MYO18B: variants seen among roughly 807,000 people sequenced by gnomAD.
MYO18B encodes the protein unconventional myosin-XVIIIb.
MYO18B carries 204 observed loss-of-function variants against 273.0 expected under a neutral mutation model. That is an observed-to-expected ratio of 0.75 (90% CI 0.67 to 0.84). The LOEUF is 0.84. Among genes scored for constraint, MYO18B ranks in the 40% least tolerant of loss-of-function variants. MYO18B has a pLI of 0.00. For synonymous variants in MYO18B, 1,330 were observed against 1,305.7 expected (o/e 1.02, Z -0.40); for missense variants, 3,212 against 3,287.6 (o/e 0.98, Z 0.56).
chr22:25,944,431 A>G (rs1325875019), intron 34 of MYO18B, among the ~76,000 whole-genome samples: 1 of 152,102 alleles, frequency 6.6e-6, no homozygotes, highest in African/African-American at 2.4e-5. Context: ...GTGATTTCTA[A>G]GAGTGTTTTC....
intron 15 of MYO18B, among the ~76,000 whole-genome samples, chr22:25,830,284 G>A (rs966795314): frequency 4.6e-5 from 7 of 151,474 alleles, no homozygotes; most frequent in Non-Finnish European, 8.8e-5. Context: ...TTTTTTTTAC[G>A]TGGAAAACAG....
chr22:25,748,740 G>A (rs2085853628), intron 1 of MYO18B, among the ~76,000 whole-genome samples: 1 of 152,084 alleles, frequency 6.6e-6, no homozygotes, highest in East Asian at 1.9e-4. Context: ...TCCTGCCCTT[G>A]CTTCTCACTC....
chr22:25,750,435 G>A (rs2085899627), intron 1 of MYO18B, among the ~76,000 whole-genome samples: 1 of 152,284 alleles, frequency 6.6e-6, no homozygotes, highest in Non-Finnish European at 1.5e-5. Flanking sequence ...ATCTGAAGAT[G>A]GTGTCTTCAG....
the MYO18B span, among the ~76,000 whole-genome samples, chr22:26,056,187 C>T: frequency 6.6e-6 from 1 of 152,086 alleles, no homozygotes; most frequent in East Asian, 1.9e-4. Flanking sequence ...AATCCTCAGC[C>T]GTAGCTGGTT....
intron 1 of MYO18B, among the ~76,000 whole-genome samples, chr22:25,754,413 TA>T (rs2086042849): frequency 6.6e-6 from 1 of 152,128 alleles, no homozygotes; most frequent in African/African-American, 2.4e-5. Context: ...GAATGTATTC[TA>T]TGAGACAGGT....
Position 25,992,445 on chromosome 22 carries a change from T to C in MYO18B, c.6239T>C (p.Leu2080Pro). 1 of 1,613,996 alleles carries C rather than the reference T, an allele frequency of 6.2e-7. No homozygotes were observed. ...LETSIRRIADLQAALEEVASS... is the reference protein window; with the variant it reads ...LETSIRRIADPQAALEEVASS... ...ACATCCATTCGGCGGATTGCCGACC[T>C]GCAGGCTGCCTTGGAAGAAGTGGCA... The change falls in exon 40 of 44, where the codon CTG becomes CCG. Residue 2080 changes from leucine to proline, a missense_variant. Coordinates refer to ENST00000335473, the MANE Select transcript of MYO18B (RefSeq NM_032608.7).
rs180800478 is a variant in MYO18B, at chr22:25,846,089, C to T, written c.3369-11C>T. ...CTAAAGCTCCTCTCTCTTTTCCCTC[C>T]TCCCCACCAGAGAGGAGCTGCGGAG... On this transcript the variant is annotated splice_polypyrimidine_tract_variant and intron_variant, in intron 18 of 43. Transcript: ENST00000335473. 1.3e-6 allele frequency: 2 copies of T among 1,518,622 alleles called. No homozygotes were observed. Among genetic ancestry groups the T allele is most frequent in the African/African-American group, 1.4e-5 (1 of 71,188 alleles). 94.1% of individuals were successfully genotyped at this position (1,518,622 alleles called of 1,614,324 possible).
chr22:25,770,045 G>A lies in MYO18B; in HGVS notation c.1513-65G>A, dbSNP rs778517387. The stretch of plus-strand genomic sequence containing the variant: ...CCAGAGCACACTGTGAGAAACCCCC[G>A]TGTAAGGTAGAAGATGGGCAGCGGT... On this transcript the variant is annotated intron_variant, in intron 4 of 43. Coordinates refer to ENST00000335473, the MANE Select transcript of MYO18B (RefSeq NM_032608.7). 19 of 1,539,944 alleles carry A rather than the reference G, an allele frequency of 1.2e-5. No homozygotes were observed. The South Asian group carries it at 1.6e-4, about 13-fold the overall frequency.
intron 39 of MYO18B, among the ~76,000 whole-genome samples, chr22:25,991,464 G>A (rs1439184865): frequency 6.6e-6 from 1 of 152,190 alleles, no homozygotes; most frequent in Admixed American, 6.5e-5. Flanking sequence ...ATGACCAAAT[G>A]TCCCCTGGGG....
chr22:25,934,459 C>T (rs964972118), intron 34 of MYO18B, among the ~76,000 whole-genome samples: 1 of 152,008 alleles, frequency 6.6e-6, no homozygotes, highest in Admixed American at 6.6e-5. Flanking sequence ...CTCTGTGAAC[C>T]CCCAGAATTT....
At chr22:25,840,331 C>G (rs1181044233) in intron 17 of MYO18B, among the ~76,000 whole-genome samples, 1 of 152,284 alleles carries the variant, frequency 6.6e-6, no homozygotes, top group Admixed American at 6.5e-5. Context: ...TTCAGCAGCT[C>G]CTTCTGCCTG....
chr22:25,986,166 TTG>T (rs546218448), intron 39 of MYO18B, among the ~76,000 whole-genome samples: 28 of 152,314 alleles, frequency 1.8e-4, no homozygotes, highest in African/African-American at 6.5e-4. Flanking sequence ...CTTTTCTTGG[TTG>T]TGTGTCCCTA....
chr22:25,762,934 A>C, intron 2 of MYO18B: 1 of 544,702 alleles, frequency 1.8e-6, no homozygotes, highest in East Asian at 4.5e-5. Flanking sequence ...AAGGAAGGGA[A>C]CCAGCAGCCT....
chr22:25,940,495 G>A (rs900137999), intron 34 of MYO18B, among the ~76,000 whole-genome samples: 4 of 152,244 alleles, frequency 2.6e-5, no homozygotes, highest in East Asian at 1.9e-4. Flanking sequence ...AGACTAATAC[G>A]CATGGGAAAA....
At position 25,885,593 on chromosome 22, in the gene MYO18B, A is replaced by G. The variant is rs143865157; in HGVS notation, c.4315-5163A>G. Among the ~76,000 whole-genome samples the G allele has an allele frequency of 6.9e-3, 1,052 of 152,152 alleles. 6 individuals are homozygous for G. Among genetic ancestry groups the G allele is most frequent in the Non-Finnish European group, 0.011 (722 of 67,992 alleles). On this transcript the variant is annotated intron_variant, in intron 25 of 43. Coordinates refer to ENST00000335473, the MANE Select transcript of MYO18B (RefSeq NM_032608.7). Reference sequence around the variant, plus strand: ...TGTTTGGGGGGTTGAGGGGTTGCCTATGGGTTAGAGATGAGGCATGAAGCC... The same window carrying G: ...TGTTTGGGGGGTTGAGGGGTTGCCTGTGGGTTAGAGATGAGGCATGAAGCC...
chr22:25,824,916 G>A (rs542700632), intron 13 of MYO18B, among the ~76,000 whole-genome samples: 4 of 112,308 alleles, frequency 3.6e-5, no homozygotes, highest in East Asian at 2.8e-4. Context: ...CAGATACCAC[G>A]GAATCACACA....
chr22:26,035,590 C>G (rs1015943741), downstream of MYO18B, among the ~76,000 whole-genome samples: 22 of 152,134 alleles, frequency 1.4e-4, no homozygotes, highest in African/African-American at 4.8e-4. Context: ...ATCGGAGAAC[C>G]AGAATTTTGT....
At position 26,003,312 on chromosome 22, in the gene MYO18B, A is replaced by C. The variant is rs1333791301; in HGVS notation, c.6332+3A>C. On this transcript the variant is annotated splice_donor_region_variant and intron_variant, in intron 41 of 43. Coordinates refer to ENST00000335473, the MANE Select transcript of MYO18B (RefSeq NM_032608.7). ...GGCAGCAGCGGCCGAAAAGAGATGTAAGTTAACCCCAGGTAGAACTGAGCA... is the reference window on the plus strand; with the variant it reads ...GGCAGCAGCGGCCGAAAAGAGATGTCAGTTAACCCCAGGTAGAACTGAGCA... 8 of 1,605,444 alleles carry C rather than the reference A, an allele frequency of 5.0e-6. No homozygotes were observed. Among genetic ancestry groups the C allele is most frequent in the Middle Eastern group, 1.6e-4 (1 of 6,072 alleles).
rs572866556 is a variant in MYO18B at position 25,936,793 on chromosome 22, C to T, written c.5518-9344C>T. On this transcript the variant is annotated intron_variant, in intron 34 of 43. Transcript: ENST00000335473. ...ACAGACAAATGCCTTCTCTCTGTGT[C>T]CTCACATGGTAGAGAGGAAGGAACT... is the stretch of plus-strand genomic sequence containing the variant. Among the ~76,000 whole-genome samples, 5 of 152,236 alleles carry T rather than the reference C, an allele frequency of 3.3e-5. No homozygotes were observed. In the South Asian group the frequency reaches 1.0e-3, roughly 32 times the overall value.
Sources: gnomAD v4.1 joint callset for allele counts (sites outside exome capture counted in the v4.1 genomes callset) on GRCh38, gnomAD v4.1.1 for gene constraint, MANE v1.5 for transcripts, NCBI Gene and HGNC (gene_info 2026-07-23, HGNC 2026-07-21) for gene names.